The following ADRA1A variants were observed in gnomAD, a reference collection of about 807,000 sequenced individuals.
ADRA1A encodes alpha-1A adrenergic receptor.
A neutral mutation model predicts 29.6 loss-of-function variants in ADRA1A; 31 were observed. The observed-to-expected ratio is 1.05, with a 90% CI of 0.79 to 1.41. ADRA1A has a LOEUF of 1.41. Among genes scored for constraint, ADRA1A ranks in the 40% most tolerant of loss-of-function variants. ADRA1A has a pLI of 0.00. For missense variants in ADRA1A, 619 were observed against 601.1 expected, an observed-to-expected ratio of 1.03 and a Z score of -0.31; for synonymous variants, 311 against 254.3, an observed-to-expected ratio of 1.22 and a Z score of -2.12.
At chr8:26,809,353 CT>C (rs760076915) in intron 2 of ADRA1A, among the ~76,000 whole-genome samples, 11 of 152,106 alleles carry the variant, frequency 7.2e-5, no homozygotes, top group Non-Finnish European at 1.3e-4. Context: ...CTGAGAAGTT[CT>C]ATCTGATTAC....
downstream of ADRA1A, among the ~76,000 whole-genome samples, chr8:26,766,714 A>G (rs554076213): frequency 2.0e-5 from 3 of 152,268 alleles, no homozygotes; most frequent in African/African-American, 7.2e-5. Flanking sequence ...GGTTTAAATC[A>G]TGGTTCCCCT....
rs55841507 is a variant in ADRA1A at position 26,865,823 on chromosome 8, C to T, written c.-686-168G>A. On this transcript the variant is annotated intron_variant, in intron 1 of 2. Transcript: ENST00000380573. The surrounding 1 kb of genome is among the most constrained non-coding windows in gnomAD (Gnocchi z 7.6). ...AGGCGACTTCGGAGCTCATCTCGCG[C>T]CCCCACCACTGGGAACCTGCCTAGC... The T allele has an allele frequency of 4.0e-6, 2 of 501,892 alleles. No homozygotes were observed. Among genetic ancestry groups the T allele is most frequent in the African/African-American group, 2.1e-5 (1 of 47,898 alleles). The allele number at this position is 501,892 out of a possible 1,614,324, so 31.1% of individuals were successfully genotyped here. A position where few individuals can be genotyped will look rare whatever the true frequency, so the allele number is the denominator to read the frequency against.
chr8:26,802,207 CAA>C (rs148265497), intron 2 of ADRA1A, among the ~76,000 whole-genome samples: 1 of 151,110 alleles, frequency 6.6e-6, no homozygotes, highest in Non-Finnish European at 1.5e-5. Context: ...GCAACCAAAG[CAA>C]AAAAAACGGA....
downstream of ADRA1A, among the ~76,000 whole-genome samples, chr8:26,751,900 G>C (rs1039790941): frequency 3.3e-5 from 5 of 152,200 alleles, no homozygotes; most frequent in African/African-American, 1.2e-4. Flanking sequence ...TAAGGGGCAT[G>C]GGTGGGATCA....
chr8:26,859,711 G>A (rs1346469607), intron 2 of ADRA1A, among the ~76,000 whole-genome samples: 2 of 151,936 alleles, frequency 1.3e-5, no homozygotes, highest in African/African-American at 4.8e-5. Flanking sequence ...GCACTACTGA[G>A]CAGCTACTCA....
intron 2 of ADRA1A, among the ~76,000 whole-genome samples, chr8:26,790,640 T>C (rs1399394135): frequency 6.6e-6 from 1 of 152,154 alleles, no homozygotes; most frequent in Non-Finnish European, 1.5e-5. Flanking sequence ...TTATAAATGT[T>C]TGAAGTGATG....
At chr8:26,859,185 C>A (rs868499807) in intron 2 of ADRA1A, 1 of 1,289,198 alleles carries the variant, frequency 7.8e-7, no homozygotes, top group African/African-American at 1.5e-5. Context: ...AACAGCACGT[C>A]ATATTTAAGA....
chr8:26,797,446 G>T (rs998870946), intron 2 of ADRA1A, among the ~76,000 whole-genome samples: 1 of 151,912 alleles, frequency 6.6e-6, no homozygotes, highest in Non-Finnish European at 1.5e-5. Context: ...ATAGGCATGA[G>T]CCACCATGCC....
At chr8:26,773,424 A>G (rs1327286007) in intron 2 of ADRA1A, among the ~76,000 whole-genome samples, 2 of 152,186 alleles carry the variant, frequency 1.3e-5, no homozygotes, top group African/African-American at 4.8e-5. Flanking sequence ...ATATTGTCCA[A>G]TATTTCCTAC....
chr8:26,814,024 C>T (rs1214069467), intron 2 of ADRA1A, among the ~76,000 whole-genome samples: 1 of 152,140 alleles, frequency 6.6e-6, no homozygotes, highest in Non-Finnish European at 1.5e-5. Context: ...GTTTAGCTAG[C>T]ACAATATTTT....
chr8:26,861,059 C>A (rs1024674241), intron 2 of ADRA1A, among the ~76,000 whole-genome samples: 3 of 152,288 alleles, frequency 2.0e-5, no homozygotes, highest in South Asian at 4.1e-4. Flanking sequence ...GTGAGCCTCA[C>A]GTGCCTTCCT....
chr8:26,802,304 G>A (rs908637594), intron 2 of ADRA1A, among the ~76,000 whole-genome samples: 1 of 152,166 alleles, frequency 6.6e-6, no homozygotes, highest in Admixed American at 6.5e-5. Context: ...CAGAATGTGA[G>A]AAAATCTTTG....
At chr8:26,778,565 C>T (rs1020104663) in intron 2 of ADRA1A, among the ~76,000 whole-genome samples, 2 of 151,978 alleles carry the variant, frequency 1.3e-5, no homozygotes, top group Non-Finnish European at 2.9e-5. Context: ...CAATGATAGA[C>T]TGGATTGAGA....
In ADRA1A at chr8:26,848,294, T is replaced by C. The variant is rs939696882; in HGVS notation, c.883+15793A>G. ...TAATATGGATGGAAAGTTTGTGTCC[T>C]CCCCAAATCCACATGTTGAAACCCT... On this transcript the variant is annotated intron_variant, in intron 2 of 2. Transcript: ENST00000380573. The surrounding 1 kb of genome is among the most constrained non-coding windows in gnomAD (Gnocchi z 4.3). 6.6e-6 allele frequency among the ~76,000 whole-genome samples: 1 copy of C among 152,188 alleles called. No individual in the cohort carries two copies. The highest frequency in any genetic ancestry group is 2.4e-5 in the African/African-American group (1 of 41,450).
At chr8:26,763,004 A>G (rs62492168), downstream of ADRA1A, among the ~76,000 whole-genome samples, 61,069 of 151,942 alleles carry the variant, frequency 0.4, 12,431 homozygotes, top group Middle Eastern at 0.52. The surrounding 1 kb of genome is among the most constrained non-coding windows in gnomAD (Gnocchi z 4.5). Flanking sequence ...CCCCATAGTA[A>G]TATCATTTCT....
chr8:26,777,377 G>C (rs773813668), intron 2 of ADRA1A, among the ~76,000 whole-genome samples: 15 of 152,228 alleles, frequency 9.9e-5, no homozygotes, highest in Non-Finnish European at 1.8e-4. Context: ...TTAGCTTCTC[G>C]CAGTGCTCTC....
chr8:26,866,950 C>G lies in ADRA1A; in HGVS notation c.-701G>C. 1.0e-6 allele frequency: 1 copy of G among 985,282 alleles called. No individual in the cohort carries two copies. Among genetic ancestry groups the G allele is most frequent in the Non-Finnish European group, 1.2e-6 (1 of 829,834 alleles). The allele number at this position is 985,282 out of a possible 1,614,324, so 61.0% of individuals were successfully genotyped here. ...GGCGCACTCACCTGAAGCGCCGCTG[C>G]TGAGCCACCAGCTCGCGCGCGGGGG... is the stretch of plus-strand genomic sequence containing the variant. On this transcript the variant is annotated 5_prime_UTR_variant, in exon 1 of 3. Coordinates refer to ENST00000380573, the MANE Select transcript of ADRA1A (RefSeq NM_000680.4). This position sits in a 1 kb window ranked among gnomAD's most constrained non-coding sequence, Gnocchi z 5.7.
intron 2 of ADRA1A, among the ~76,000 whole-genome samples, chr8:26,808,276 G>C (rs1809143242): frequency 6.6e-6 from 1 of 151,936 alleles, no homozygotes; most frequent in Non-Finnish European, 1.5e-5. Flanking sequence ...AATACAACCT[G>C]GTCCTCTTTT....
Position 26,770,746 on chromosome 8 carries a change from T to C in ADRA1A, c.884-80A>G, listed in dbSNP as rs540926931. The C allele has an allele frequency of 2.3e-4, 345 of 1,490,670 alleles. 5 individuals carry two copies. In the South Asian group the frequency reaches 4.4e-3, roughly 19 times the overall value. 92.3% of individuals were successfully genotyped at this position (1,490,670 alleles called of 1,614,324 possible). The stretch of plus-strand genomic sequence containing the variant: ...GGCTAGGAAAACAATCAAACAGACA[T>C]CTTTCTGTATTTTTAAACGGTTAAA... On this transcript the variant is annotated intron_variant, in intron 2 of 2. Coordinates refer to ENST00000380573, the MANE Select transcript of ADRA1A (RefSeq NM_000680.4).
Sources: allele counts gnomAD v4.1 joint callset (sites outside exome capture counted in the v4.1 genomes callset), GRCh38; gene constraint gnomAD v4.1.1; non-coding constraint Gnocchi (gnomAD v3.1); transcripts MANE v1.5; gene names NCBI Gene and HGNC (gene_info 2026-07-23, HGNC 2026-07-21).